The following RNF214 variants were observed in gnomAD, a reference collection of about 807,000 sequenced individuals.
RNF214 encodes the protein ring finger protein 214.
A neutral mutation model predicts 75.9 loss-of-function variants in RNF214; 25 were observed. The ratio of observed to expected loss-of-function variants is 0.33; its 90% CI spans 0.24 to 0.46. The LOEUF (loss-of-function observed/expected upper bound fraction) is 0.46. RNF214 is among the 20% of genes least tolerant of loss of function. The pLI is 1.00. For missense variants in RNF214, 725 were observed against 857.5 expected, an observed-to-expected ratio of 0.85 and a Z score of 1.93; for synonymous variants, 314 against 308.8, an observed-to-expected ratio of 1.02 and a Z score of -0.18.
At position 117,281,701 on chromosome 11, in the gene RNF214, A is replaced by G. The variant is rs2034130026; in HGVS notation, c.1335+3A>G. On this transcript the variant is annotated splice_donor_region_variant and intron_variant, in intron 10 of 14. Transcript: ENST00000300650. ...CTTTACCTCCACCCCCATCAGAGGT[A>G]AGAGAGTGGCTTTGGGGGGAAGTTC... 6 of 1,608,240 alleles carry G rather than the reference A, an allele frequency of 3.7e-6. No homozygotes were observed. The highest frequency in any genetic ancestry group is 2.6e-6 in the Non-Finnish European group (3 of 1,174,694).
intron 4 of RNF214, among the ~76,000 whole-genome samples, chr11:117,243,595 G>T (rs905558950): frequency 6.6e-6 from 1 of 152,200 alleles, no homozygotes; most frequent in Non-Finnish European, 1.5e-5. Context: ...CATACTAAAT[G>T]TGTTTTAAGT....
intron 6 of RNF214, among the ~76,000 whole-genome samples, chr11:117,279,232 G>T (rs913265969): frequency 6.6e-6 from 1 of 151,766 alleles, no homozygotes; most frequent in Non-Finnish European, 1.5e-5. Flanking sequence ...GAACGTAGAA[G>T]AATGTTCTGC....
rs141853466 is a variant in RNF214 at position 117,286,256 on chromosome 11, A to G, written c.*1105A>G. ...AGTAGTTTGGATTTCAAATTTATAA[A>G]TCACTTGCTCTGTGGGTAGCTATCA... On this transcript the variant is annotated 3_prime_UTR_variant, in exon 15 of 15. Coordinates refer to ENST00000300650, the MANE Select transcript of RNF214 (RefSeq NM_207343.4). 2 of 152,494 alleles carry G rather than the reference A, an allele frequency of 1.3e-5. No individual in the cohort carries two copies. Among genetic ancestry groups the G allele is most frequent in the African/African-American group, 4.8e-5 (2 of 41,562 alleles). The allele number at this position is 152,494 out of a possible 1,614,324, so 9.4% of individuals were successfully genotyped here.
chr11:117,265,545 C>G (rs1322831278), intron 6 of RNF214, among the ~76,000 whole-genome samples: 1 of 152,014 alleles, frequency 6.6e-6, no homozygotes, highest in Admixed American at 6.6e-5. Context: ...TCCTGAGTAG[C>G]TGGGATTACA....
intron 6 of RNF214, among the ~76,000 whole-genome samples, chr11:117,264,215 T>C (rs1331332821): frequency 6.6e-6 from 1 of 151,904 alleles, no homozygotes; most frequent in African/African-American, 2.4e-5. Flanking sequence ...CCCAGCTATT[T>C]GGGAGGCTGA....
intron 4 of RNF214, among the ~76,000 whole-genome samples, chr11:117,242,650 C>T (rs1191092259): frequency 6.6e-6 from 1 of 152,156 alleles, no homozygotes; most frequent in Non-Finnish European, 1.5e-5. Flanking sequence ...GTCAGGAGTT[C>T]AAGACCAGCC....
intron 5 of RNF214, among the ~76,000 whole-genome samples, chr11:117,245,431 C>T (rs938081658): frequency 6.6e-6 from 1 of 151,506 alleles, no homozygotes; most frequent in Non-Finnish European, 1.5e-5. Flanking sequence ...GCTCCGCCTC[C>T]TGGATTCACG....
intron 6 of RNF214, among the ~76,000 whole-genome samples, chr11:117,252,526 A>AT (rs974161498): frequency 3.9e-4 from 58 of 147,458 alleles, no homozygotes; most frequent in Middle Eastern, 3.5e-3. Context: ...CTGAATCTGA[A>AT]TTTTTTTTTT....
At chr11:117,263,442 A>G (rs1178403164) in intron 6 of RNF214, among the ~76,000 whole-genome samples, 3 of 151,728 alleles carry the variant, frequency 2.0e-5, no homozygotes, top group African/African-American at 7.3e-5. Context: ...TGCCCGGCTA[A>G]TTTTTGTATT....
chr11:117,234,165 T>G (rs1005431354), intron 1 of RNF214, 102 bp from the exon 2 acceptor site: 2 of 830,444 alleles, frequency 2.4e-6, no homozygotes, highest in African/African-American at 1.7e-5. Context: ...TTGTGTTTCT[T>G]TACTGCGACA....
intron 3 of RNF214, 23 bp downstream of exon 3, chr11:117,239,134 C>T: frequency 6.5e-7 from 1 of 1,548,754 alleles, no homozygotes; most frequent in Non-Finnish European, 8.8e-7. Context: ...GTTTCTACTA[C>T]TAAAATGTAA....
intron 6 of RNF214, among the ~76,000 whole-genome samples, chr11:117,259,760 G>A (rs1375725747): frequency 1.3e-5 from 2 of 151,832 alleles, no homozygotes; most frequent in Non-Finnish European, 2.9e-5. Context: ...CTTTTCTTGG[G>A]GGGTTGAGTT....
At chr11:117,258,674 A>T (rs1400968646) in intron 6 of RNF214, among the ~76,000 whole-genome samples, 2 of 152,066 alleles carry the variant, frequency 1.3e-5, no homozygotes, top group African/African-American at 2.4e-5. Context: ...GTTTTGACAA[A>T]TGTATGCACT....
intron 4 of RNF214, 75 bp from the exon 5 acceptor site, chr11:117,244,370 G>A: frequency 1.6e-6 from 2 of 1,257,588 alleles, no homozygotes; most frequent in Admixed American, 1.9e-5. Context: ...TCTATACAAT[G>A]CCTTGGACAG....
intron 6 of RNF214, among the ~76,000 whole-genome samples, chr11:117,253,057 A>C (rs1256161349): frequency 1.3e-5 from 2 of 152,146 alleles, no homozygotes; most frequent in Non-Finnish European, 2.9e-5. Context: ...CTGTTGGCCC[A>C]GCTAGAGTGT....
At chr11:117,266,918 G>A (rs1252410411) in intron 6 of RNF214, among the ~76,000 whole-genome samples, 2 of 127,466 alleles carry the variant, frequency 1.6e-5, no homozygotes, top group Non-Finnish European at 3.1e-5. Flanking sequence ...GCAATGGCAC[G>A]ATCTCGGCTC....
In RNF214 at chr11:117,267,460, T is replaced by G. The variant is rs570449463; in HGVS notation, c.960-12448T>G. Among the ~76,000 whole-genome samples the G allele has an allele frequency of 2.6e-5, 4 of 152,196 alleles. No individual in the cohort carries two copies. In the South Asian group the frequency reaches 8.3e-4, roughly 32 times the overall value. ...GGTGCAATGGCTCACACCTGTAATT[T>G]CAGCAGTTTGGGAGGCCGAGGTGGG... On this transcript the variant is annotated intron_variant, in intron 6 of 14. Coordinates refer to ENST00000300650, the MANE Select transcript of RNF214 (RefSeq NM_207343.4).
chr11:117,243,554 G>A (rs187326807), intron 4 of RNF214, among the ~76,000 whole-genome samples: 5 of 152,110 alleles, frequency 3.3e-5, no homozygotes, highest in Non-Finnish European at 7.4e-5. Context: ...TCAGTTTAGT[G>A]CTCTCAGTTT....
intron 6 of RNF214, among the ~76,000 whole-genome samples, chr11:117,272,535 C>G (rs2033934404): frequency 1.3e-5 from 2 of 150,892 alleles, no homozygotes; most frequent in Non-Finnish European, 2.9e-5. Flanking sequence ...AGCAAACCAC[C>G]ATGGCACATG....
Sources: gnomAD v4.1 joint callset for allele counts (sites outside exome capture counted in the v4.1 genomes callset) on GRCh38, gnomAD v4.1.1 for gene constraint, MANE v1.5 for transcripts, NCBI Gene and HGNC (gene_info 2026-07-23, HGNC 2026-07-21) for gene names.